The following COLEC11 variants were observed in gnomAD, a reference collection of about 807,000 sequenced individuals.
The protein encoded by COLEC11 is collectin-11.
Under a neutral mutation model 27.3 loss-of-function variants are expected in COLEC11, and 20 were observed. The observed-to-expected ratio is 0.73, with a 90% CI of 0.51 to 1.06. COLEC11 has a LOEUF of 1.06. COLEC11 is among the 50% of genes least tolerant of loss of function. The pLI is 0.00. For synonymous variants in COLEC11, 163 were observed against 154.7 expected, an observed-to-expected ratio of 1.05 and a Z score of -0.40; for missense variants, 310 against 383.0, an observed-to-expected ratio of 0.81 and a Z score of 1.59.
At chr2:3,623,592 C>G (rs890186626) in intron 3 of COLEC11, among the ~76,000 whole-genome samples, 6 of 151,804 alleles carry the variant, frequency 4.0e-5, no homozygotes, top group African/African-American at 1.5e-4. Flanking sequence ...TTGATGCTGT[C>G]TGCTGTATTT....
At chr2:3,638,951 A>C (rs1365698615) in intron 4 of COLEC11, among the ~76,000 whole-genome samples, 1 of 152,060 alleles carries the variant, frequency 6.6e-6, no homozygotes, top group Non-Finnish European at 1.5e-5. Context: ...GACTCTTCCC[A>C]CTAACCAGTG....
intron 3 of COLEC11, among the ~76,000 whole-genome samples, chr2:3,624,819 G>A (rs2147918916): frequency 6.6e-6 from 1 of 152,332 alleles, no homozygotes; most frequent in Middle Eastern, 3.4e-3. Flanking sequence ...GACTATGGTA[G>A]AAAGCTCCTC....
intron 5 of COLEC11, among the ~76,000 whole-genome samples, chr2:3,641,913 G>A (rs1370226671): frequency 6.6e-6 from 1 of 152,230 alleles, no homozygotes; most frequent in East Asian, 1.9e-4. Context: ...ATGGTGAGGT[G>A]CTGGGCAGGC....
intron 5 of COLEC11, among the ~76,000 whole-genome samples, chr2:3,641,007 C>T (rs1224450063): frequency 1.7e-5 from 2 of 117,022 alleles, no homozygotes; most frequent in South Asian, 3.6e-4. Context: ...CATGTAGACC[C>T]CACGGTGGAC....
intron 2 of COLEC11, chr2:3,605,823 C>T (rs752323403): frequency 5.3e-5 from 20 of 374,358 alleles, no homozygotes; most frequent in Non-Finnish European, 8.9e-5. Context: ...AGCCCTCTCC[C>T]GGGGCACAGG....
In COLEC11 at chr2:3,627,199, C is replaced by T. The variant is rs1282840709; in HGVS notation, c.203-10334C>T. On this transcript the variant is annotated intron_variant, in intron 3 of 6. Transcript: ENST00000349077. Reference sequence around the variant, plus strand: ...CCAAGACTTCCTGGTTTCTAGGGTCCTGGGAACCACTGCAGTCCTGGGCAA... The same window carrying T: ...CCAAGACTTCCTGGTTTCTAGGGTCTTGGGAACCACTGCAGTCCTGGGCAA... Among the ~76,000 whole-genome samples the T allele has an allele frequency of 3.3e-5, 5 of 152,188 alleles. No individual in the cohort carries two copies. In the East Asian group the frequency reaches 9.7e-4, roughly 29 times the overall value.
intron 3 of COLEC11, among the ~76,000 whole-genome samples, chr2:3,615,666 CG>C (rs1387704509): frequency 6.6e-6 from 1 of 152,236 alleles, no homozygotes; most frequent in Non-Finnish European, 1.5e-5. Context: ...ACCTCCCAGA[CG>C]GGGTGGCGGC....
intron 3 of COLEC11, among the ~76,000 whole-genome samples, chr2:3,636,417 T>C (rs1665421345): frequency 6.6e-6 from 1 of 151,984 alleles, no homozygotes. Flanking sequence ...ATTGCGCCAC[T>C]GCACTCCAGC....
In COLEC11 at chr2:3,644,458, A is replaced by C; in HGVS notation, c.*340A>C. ...TAAGTAGTGCAGTAGTTAAGTCCAA[A>C]TAGTGGCAATGGGGTCTTGAATTAC... On this transcript the variant is annotated 3_prime_UTR_variant, in exon 7 of 7. Coordinates refer to ENST00000349077, the MANE Select transcript of COLEC11 (RefSeq NM_024027.5). The C allele has an allele frequency of 3.9e-6, 2 of 517,176 alleles. No individual in the cohort carries two copies. Among genetic ancestry groups the C allele is most frequent in the Non-Finnish European group, 7.4e-6 (2 of 269,108 alleles). The allele number at this position is 517,176 out of a possible 1,614,324, so 32.0% of individuals were successfully genotyped here.
At position 3,604,367 on chromosome 2, in the gene COLEC11, C is replaced by T. The variant is rs1288382318; in HGVS notation, c.27C>T (p.Gly9=). Residue 9 remains glycine (G), a synonymous_variant, in exon 2 of 7, where the codon GGC becomes GGT. Coordinates refer to ENST00000349077, the MANE Select transcript of COLEC11 (RefSeq NM_024027.5). The part of the protein sequence containing the change: MRGNLALV[G]VLISLAFLSL... ...TGAGGGGGAATCTGGCCCTGGTGGG[C>T]GTTCTAATCAGCCTGGCCTTCCTGT... 18 of 1,614,112 alleles carry T rather than the reference C, an allele frequency of 1.1e-5. No homozygotes were observed. Among genetic ancestry groups the T allele is most frequent in the African/African-American group, 8.0e-5 (6 of 74,934 alleles).
At chr2:3,622,424 A>T (rs1433239548) in intron 3 of COLEC11, among the ~76,000 whole-genome samples, 5 of 152,238 alleles carry the variant, frequency 3.3e-5, no homozygotes, top group Non-Finnish European at 7.3e-5. Flanking sequence ...TATGATTTAC[A>T]CATAACCATT....
At chr2:3,643,104 C>T (rs1234288750) in intron 5 of COLEC11, among the ~76,000 whole-genome samples, 1 of 152,234 alleles carries the variant, frequency 6.6e-6, no homozygotes, top group Non-Finnish European at 1.5e-5. Context: ...CCATCTTCCT[C>T]AGATGTTCTA....
Position 3,644,393 on chromosome 2 carries a change from TA to T in COLEC11, c.*278del, listed in dbSNP as rs1379377112. On this transcript the variant is annotated 3_prime_UTR_variant, in exon 7 of 7. Transcript: ENST00000349077. ...ATTATTACCCAGAATTGCTCTTCCA[TA>T]AAGCTTGTGCCTTTGTCCAAGCTAT... 1 of 633,168 alleles carries T rather than the reference TA, an allele frequency of 1.6e-6. No individual in the cohort carries two copies. Among genetic ancestry groups the T allele is most frequent in the African/African-American group, 1.8e-5 (1 of 55,874 alleles). 39.2% of individuals were successfully genotyped at this position (633,168 alleles called of 1,614,324 possible).
chr2:3,595,607 T>C (rs1328066544), intron 1 of COLEC11, among the ~76,000 whole-genome samples: 1 of 152,126 alleles, frequency 6.6e-6, no homozygotes, highest in Non-Finnish European at 1.5e-5. Flanking sequence ...CAGGGACCAG[T>C]GGCTCTGTGT....
Position 3,637,537 on chromosome 2 carries a change from C to T in COLEC11, c.207C>T (p.Asp69=). ...TGCTCTTATTGTTTTCTACAGGAGA[C>T]ATGGGGGACAAAGGACAGAAAGGCA... ...GRVGPTGEKG[D]MGDKGQKGSV... The change falls in exon 4 of 7, where the codon GAC becomes GAT. Residue 69 remains aspartate (D), a synonymous_variant. Coordinates refer to ENST00000349077, the MANE Select transcript of COLEC11 (RefSeq NM_024027.5). The T allele has an allele frequency of 6.2e-7, 1 of 1,613,972 alleles. No homozygotes were observed. Among genetic ancestry groups the T allele is most frequent in the Non-Finnish European group, 8.5e-7 (1 of 1,179,880 alleles).
chr2:3,608,723 G>C (rs1363367294), intron 2 of COLEC11, among the ~76,000 whole-genome samples: 1 of 152,216 alleles, frequency 6.6e-6, no homozygotes. Context: ...AACAGTGCTT[G>C]AAAACAGCCT....
At chr2:3,607,956 C>T (rs76725554) in intron 2 of COLEC11, among the ~76,000 whole-genome samples, 52 of 152,280 alleles carry the variant, frequency 3.4e-4, no homozygotes, top group Non-Finnish European at 6.8e-4. Context: ...CCTGGGGTGC[C>T]GTGGCACTTG....
At chr2:3,616,771 C>A (rs909164767) in intron 3 of COLEC11, among the ~76,000 whole-genome samples, 1 of 143,604 alleles carries the variant, frequency 7.0e-6, no homozygotes, top group African/African-American at 2.9e-5. Context: ...AGAGGGAGAC[C>A]GTGGGGAGAG....
At chr2:3,606,731 A>T (rs1662734544) in intron 2 of COLEC11, among the ~76,000 whole-genome samples, 1 of 152,206 alleles carries the variant, frequency 6.6e-6, no homozygotes. Flanking sequence ...AGGGGCAAGG[A>T]GCGGTTTAGA....
Sources: gnomAD v4.1 joint callset for allele counts (sites outside exome capture counted in the v4.1 genomes callset) on GRCh38, gnomAD v4.1.1 for gene constraint, MANE v1.5 for transcripts, NCBI Gene and HGNC (gene_info 2026-07-23, HGNC 2026-07-21) for gene names.